Variants in DOK5 observed in about 807,000 individuals in gnomAD.
DOK5 encodes the protein downstream of tyrosine kinase 5.
A neutral mutation model predicts 43.3 loss-of-function variants in DOK5; 27 were observed. The ratio of observed to expected loss-of-function variants is 0.62; its 90% CI spans 0.46 to 0.86. The LOEUF (loss-of-function observed/expected upper bound fraction) is 0.86. Ranked by LOEUF, DOK5 falls within the 40% of genes least tolerant of loss-of-function variation. DOK5 has a pLI of 0.00. For missense variants in DOK5, 373 were observed against 392.9 expected, an observed-to-expected ratio of 0.95 and a Z score of 0.43; for synonymous variants, 146 against 140.1, an observed-to-expected ratio of 1.04 and a Z score of -0.30.
At chr20:54,510,676 G>A (rs1278456808) in intron 1 of DOK5, among the ~76,000 whole-genome samples, 3 of 152,146 alleles carry the variant, frequency 2.0e-5, no homozygotes, top group Non-Finnish European at 4.4e-5. Flanking sequence ...AGTTGGCCCA[G>A]CCCCCGCTGC....
At chr20:54,647,940 G>A (rs1237621228) in intron 7 of DOK5, among the ~76,000 whole-genome samples, 3 of 152,196 alleles carry the variant, frequency 2.0e-5, no homozygotes, top group Middle Eastern at 3.4e-3. Flanking sequence ...TCATCATTAC[G>A]AGGGAGACAA....
At chr20:54,530,670 C>T (rs1432591744) in intron 1 of DOK5, among the ~76,000 whole-genome samples, 1 of 152,150 alleles carries the variant, frequency 6.6e-6, no homozygotes, top group Non-Finnish European at 1.5e-5. Context: ...CTTCTGCACC[C>T]CATCGGGTAG....
intron 6 of DOK5, 116 bp downstream of exon 6, chr20:54,610,639 T>G: frequency 8.6e-7 from 1 of 1,159,890 alleles, no homozygotes; most frequent in African/African-American, 1.6e-5. Flanking sequence ...TGATTCCTCT[T>G]CTCAACAGTG....
chr20:54,610,514 A>G lies in DOK5; in HGVS notation c.726A>G (p.Lys242=). 1 of 1,505,986 alleles carries G rather than the reference A, an allele frequency of 6.6e-7. No homozygotes were observed. The highest frequency in any genetic ancestry group is 1.4e-5 in the African/African-American group (1 of 71,144). The allele number at this position is 1,505,986 out of a possible 1,614,324, so 93.3% of individuals were successfully genotyped here. The change falls in exon 6 of 8, where the codon AAA becomes AAG. Residue 242 remains lysine, a synonymous_variant. Coordinates refer to ENST00000262593, the MANE Select transcript of DOK5 (RefSeq NM_018431.5). ...EQHERLLQSV[K]NSMLQMKMSE... ...ACGAGCGCTTGCTACAGAGTGTGAA[A>G]AACTCGATGGTACGTTTGGAATTTC...
intron 5 of DOK5, 96 bp from the exon 6 acceptor site, chr20:54,610,292 T>C (rs1986605552): frequency 2.4e-6 from 3 of 1,229,026 alleles, no homozygotes; most frequent in Non-Finnish European, 3.2e-6. Flanking sequence ...TAAAAAATAA[T>C]AAATGGGCGC....
chr20:54,633,101 A>G (rs1978647902), intron 6 of DOK5, among the ~76,000 whole-genome samples: 1 of 63,894 alleles, frequency 1.6e-5, no homozygotes, highest in Admixed American at 1.2e-4. Context: ...ACAAAAAACA[A>G]AAAAAACAAA....
intron 1 of DOK5, among the ~76,000 whole-genome samples, chr20:54,543,878 A>C (rs1457754026): frequency 6.6e-6 from 1 of 152,192 alleles, no homozygotes; most frequent in Non-Finnish European, 1.5e-5. Flanking sequence ...CCTCTGAAAC[A>C]TTTAGAGTAT....
intron 5 of DOK5, among the ~76,000 whole-genome samples, chr20:54,605,018 T>G (rs1231414046): frequency 1.1e-5 from 1 of 89,102 alleles, no homozygotes; most frequent in Non-Finnish European, 2.3e-5. Context: ...AAAAAATATA[T>G]ATATATACAC....
chr20:54,606,933 GCA>G (rs1986488739), intron 5 of DOK5, among the ~76,000 whole-genome samples: 2 of 152,180 alleles, frequency 1.3e-5, no homozygotes, highest in Non-Finnish European at 2.9e-5. Flanking sequence ...TGTCTTTAAT[GCA>G]CAGTGGTGAT....
chr20:54,634,672 A>G (rs1910879464), intron 6 of DOK5, among the ~76,000 whole-genome samples: 1 of 151,366 alleles, frequency 6.6e-6, no homozygotes, highest in South Asian at 2.1e-4. Flanking sequence ...CGATCTCCTG[A>G]CCTCGTGATC....
intron 6 of DOK5, among the ~76,000 whole-genome samples, chr20:54,632,667 C>T (rs1043448865): frequency 3.9e-5 from 6 of 152,176 alleles, no homozygotes; most frequent in South Asian, 2.1e-4. Flanking sequence ...CTCTTACCAC[C>T]GTGGAAAATT....
chr20:54,582,621 G>C (rs367796991), intron 2 of DOK5, among the ~76,000 whole-genome samples: 4 of 151,740 alleles, frequency 2.6e-5, no homozygotes, highest in African/African-American at 9.6e-5. Flanking sequence ...TAGGTTGTAT[G>C]TTTCCAGAAA....
intron 1 of DOK5, among the ~76,000 whole-genome samples, chr20:54,486,952 T>TA (rs957198788): frequency 3.3e-4 from 50 of 151,076 alleles, no homozygotes; most frequent in East Asian, 2.5e-3. Flanking sequence ...TTTTTGATAA[T>TA]AAAAAAAAAG....
intron 1 of DOK5, among the ~76,000 whole-genome samples, chr20:54,480,035 C>T (rs768265281): frequency 2.4e-4 from 37 of 152,066 alleles, no homozygotes; most frequent in Non-Finnish European, 7.3e-5. Context: ...AACATTGCAA[C>T]AGTCTTCTCA....
At chr20:54,544,930 T>C (rs1177798749) in intron 1 of DOK5, among the ~76,000 whole-genome samples, 1 of 152,226 alleles carries the variant, frequency 6.6e-6, no homozygotes, top group South Asian at 2.1e-4. Flanking sequence ...TCCAGAATCA[T>C]GGCTGGTAAT....
chr20:54,556,551 A>G (rs1393653017), intron 2 of DOK5, among the ~76,000 whole-genome samples: 4 of 152,198 alleles, frequency 2.6e-5, no homozygotes, highest in African/African-American at 4.8e-5. Flanking sequence ...TCCCTCATGT[A>G]TCCAGTATTT....
At chr20:54,569,784 A>T (rs1041460000) in intron 2 of DOK5, among the ~76,000 whole-genome samples, 2 of 152,208 alleles carry the variant, frequency 1.3e-5, no homozygotes, top group African/African-American at 4.8e-5. Context: ...TCACATGGAC[A>T]AATAAAGAGC....
rs547843871 is a variant in DOK5, at chr20:54,576,395, C to T, written c.175-12088C>T. 7.2e-5 allele frequency among the ~76,000 whole-genome samples: 11 copies of T among 152,056 alleles called. No individual in the cohort carries two copies. The East Asian group carries it at 9.6e-4, about 13-fold the overall frequency. ...TGAATCTCACAGACATGATATTGGA[C>T]GAATGAATCCAGACACACACACAAA... On this transcript the variant is annotated intron_variant, in intron 2 of 7. Transcript: ENST00000262593.
chr20:54,646,685 A>G (rs932952437), intron 7 of DOK5, among the ~76,000 whole-genome samples: 1 of 152,204 alleles, frequency 6.6e-6, no homozygotes, highest in South Asian at 2.1e-4. Context: ...AAAAAGTTTT[A>G]TTCTTCTACC....
Sources: allele counts gnomAD v4.1 joint callset (sites outside exome capture counted in the v4.1 genomes callset), GRCh38; gene constraint gnomAD v4.1.1; transcripts MANE v1.5; gene names NCBI Gene and HGNC (gene_info 2026-07-23, HGNC 2026-07-21).